The following ARHGAP11A variants were observed in gnomAD, a reference collection of about 807,000 sequenced individuals.
ARHGAP11A encodes the protein rho GTPase-activating protein 11A.
ARHGAP11A carries 36 observed loss-of-function variants against 60.5 expected under a neutral mutation model. The ratio of observed to expected loss-of-function variants is 0.59; its 90% CI spans 0.46 to 0.79. The LOEUF is 0.79. ARHGAP11A is among the 30% of genes least tolerant of loss of function. The probability of loss-of-function intolerance (pLI) is 0.00; values close to 1 mark genes in which losing one functional copy is unlikely to be tolerated. For synonymous variants in ARHGAP11A, 362 were observed against 415.5 expected, an observed-to-expected ratio of 0.87 and a Z score of 1.57; for missense variants, 1,071 against 1,199.2, an observed-to-expected ratio of 0.89 and a Z score of 1.58.
chr15:32,630,434 T>C (rs536801536), intron 8 of ARHGAP11A, among the ~76,000 whole-genome samples: 24 of 126,984 alleles, frequency 1.9e-4, no homozygotes, highest in African/African-American at 7.5e-4. Flanking sequence ...TTGGCTCTTT[T>C]AGCATATACA....
intron 10 of ARHGAP11A, among the ~76,000 whole-genome samples, chr15:32,634,296 C>T (rs1357132689): frequency 6.6e-6 from 1 of 152,194 alleles, no homozygotes; most frequent in Non-Finnish European, 1.5e-5. Context: ...GGTTGAGTAG[C>T]ACTTATCCAG....
At position 32,636,791 on chromosome 15, in the gene ARHGAP11A, A is replaced by C; in HGVS notation, c.2018A>C (p.Asp673Ala). 6.2e-7 allele frequency: 1 copy of C among 1,610,526 alleles called. No homozygotes were observed. The highest frequency in any genetic ancestry group is 8.5e-7 in the Non-Finnish European group (1 of 1,179,234). The change falls in exon 12 of 12, where the codon GAC (aspartate) becomes GCC (alanine). Residue 673 changes from aspartate (D) to alanine (A), a missense_variant. Physicochemically the swap from Asp to Ala is moderately radical, Grantham distance 126. Around this residue, in one of 4 missense-constraint regions of ARHGAP11A, gnomAD observed 776 missense variants for 760.2 expected, o/e 1.02. Transcript: ENST00000361627. ...GGTGAAAAATGTTTTTCAGAGAGGG[A>C]CTTTTCACCCCTTCAAACTCAAACA... is the stretch of plus-strand genomic sequence containing the variant. ...GKGEKCFSER[D>A]FSPLQTQTFN...
At chr15:32,628,919 A>G in intron 7 of ARHGAP11A, 117 bp downstream of exon 7, 2 of 737,018 alleles carry the variant, frequency 2.7e-6, no homozygotes, top group Non-Finnish European at 4.1e-6. Context: ...CAAATCAAAT[A>G]TTATTTTTAA....
rs1225753427 is a variant in ARHGAP11A at position 32,638,924 on chromosome 15, T to A, written c.*1079T>A. The A allele has an allele frequency of 6.6e-6, 1 of 152,646 alleles. No homozygotes were observed. The highest frequency in any genetic ancestry group is 1.5e-5 in the Non-Finnish European group (1 of 68,042). The allele number at this position is 152,646 out of a possible 1,614,324, so 9.5% of individuals were successfully genotyped here. On this transcript the variant is annotated 3_prime_UTR_variant, in exon 12 of 12. Transcript: ENST00000361627. Reference sequence around the variant, plus strand: ...TATATGTAGATGCTCGATTTTGGAATTTGAAATAGTAGATGCACCTCTTTA... The same window carrying A: ...TATATGTAGATGCTCGATTTTGGAAATTGAAATAGTAGATGCACCTCTTTA...
chr15:32,628,854 A>G (rs753566581), intron 7 of ARHGAP11A, 52 bp downstream of exon 7: 12 of 1,235,078 alleles, frequency 9.7e-6, no homozygotes, highest in Non-Finnish European at 7.7e-6. Flanking sequence ...ATAGTATTCT[A>G]TAAAATACAA....
chr15:32,637,123 A>C lies in ARHGAP11A; in HGVS notation c.2350A>C (p.Lys784Gln), dbSNP rs1362483071. The change falls in exon 12 of 12, where the codon AAA (lysine) becomes CAA (glutamine). Residue 784 changes from lysine (K) to glutamine (Q), a missense_variant. Physicochemically the swap from Lys to Gln is moderately conservative, Grantham distance 53 (BLOSUM62 1). This residue lies in a region of ARHGAP11A where 776 missense variants were observed against 760.2 expected (regional missense o/e 1.02). Coordinates refer to ENST00000361627, the MANE Select transcript of ARHGAP11A (RefSeq NM_014783.6). ...AAAACCTAGGCCTATGAGAATTGCT[A>C]AACAGCAGTCATTGGAAACATGTGA... Reference protein sequence around the residue: ...LSKPRPMRIAKQQSLETCEKT... With the variant: ...LSKPRPMRIAQQQSLETCEKT... 1 of 1,613,976 alleles carries C rather than the reference A, an allele frequency of 6.2e-7. No homozygotes were observed. The highest frequency in any genetic ancestry group is 1.3e-5 in the African/African-American group (1 of 74,948).
rs573440320 is a variant in ARHGAP11A at position 32,623,085 on chromosome 15, G to T, written c.201-407G>T. Among the ~76,000 whole-genome samples, 8 of 151,236 alleles carry T rather than the reference G, an allele frequency of 5.3e-5. No individual in the cohort carries two copies. In the South Asian group the frequency reaches 1.7e-3, roughly 32 times the overall value. The stretch of plus-strand genomic sequence containing the variant: ...ATACGAGGACAACACACTGACCATG[G>T]ATTTGGCAAGGCAGAGGCTGTTAGT... On this transcript the variant is annotated intron_variant, in intron 2 of 11. Transcript: ENST00000361627.
chr15:32,633,126 T>A lies in ARHGAP11A; in HGVS notation c.1235+18T>A, dbSNP rs1567057929. 1 of 1,613,086 alleles carries A rather than the reference T, an allele frequency of 6.2e-7. No individual in the cohort carries two copies. The highest frequency in any genetic ancestry group is 2.2e-5 in the East Asian group (1 of 44,854). On this transcript the variant is annotated intron_variant, in intron 9 of 11. Coordinates refer to ENST00000361627, the MANE Select transcript of ARHGAP11A (RefSeq NM_014783.6). Reference sequence around the variant, plus strand: ...GTTTGCAGGTACTTTATCCAGGACATTTTGTTTTCATCGGATAAATATTTG... The same window carrying A: ...GTTTGCAGGTACTTTATCCAGGACAATTTGTTTTCATCGGATAAATATTTG...
At chr15:32,621,956 A>G (rs1189035223) in intron 2 of ARHGAP11A, among the ~76,000 whole-genome samples, 1 of 152,312 alleles carries the variant, frequency 6.6e-6, no homozygotes, top group African/African-American at 2.4e-5. Flanking sequence ...CTAGGTTTTA[A>G]TTGACATGTC....
chr15:32,635,896 T>C lies in ARHGAP11A; in HGVS notation c.1464T>C (p.Asp488=). The C allele has an allele frequency of 6.2e-7, 1 of 1,609,422 alleles. No homozygotes were observed. The highest frequency in any genetic ancestry group is 8.5e-7 in the Non-Finnish European group (1 of 1,178,644). The part of the protein sequence containing the change: ...KTGLLFSPDV[D]EKLPKKGSEK... ...GTTTGCTTTTTAGCCCAGATGTTGA[T>C]GAAAAGTTACCAAAGAAAGGTACAT... Residue 488 remains aspartate (D), a synonymous_variant, in exon 11 of 12, where the codon GAT becomes GAC. Coordinates refer to ENST00000361627, the MANE Select transcript of ARHGAP11A (RefSeq NM_014783.6).
chr15:32,616,591 A>G (rs538408497), intron 1 of ARHGAP11A, among the ~76,000 whole-genome samples: 16 of 152,278 alleles, frequency 1.1e-4, no homozygotes, highest in African/African-American at 3.6e-4. Context: ...TTTGGATTAG[A>G]TAATTTTTGT....
In ARHGAP11A at chr15:32,617,848, C is replaced by T. The variant is rs564530577; in HGVS notation, c.129+1508C>T. The stretch of plus-strand genomic sequence containing the variant: ...CCTGAGTTTGAGTGCTGTTCCACCC[C>T]TACTACATCTGTAAACTTGGGCTGC... On this transcript the variant is annotated intron_variant, in intron 1 of 11. Transcript: ENST00000361627. Among the ~76,000 whole-genome samples, 21 of 152,304 alleles carry T rather than the reference C, an allele frequency of 1.4e-4. No homozygotes were observed. The East Asian group carries it at 1.5e-3, about 11-fold the overall frequency.
chr15:32,637,041 G>A lies in ARHGAP11A; in HGVS notation c.2268G>A (p.Lys756=), dbSNP rs773689327. ...GNLPKCAAHS[K]DEARSSFSQQ... ...TACCGAAGTGTGCAGCACATAGCAA[G>A]GACGAGGCTAGATCCTCTTTCTCAC... The change falls in exon 12 of 12, where the codon AAG becomes AAA. Residue 756 remains lysine, a synonymous_variant. Transcript: ENST00000361627. 8 of 1,613,818 alleles carry A rather than the reference G, an allele frequency of 5.0e-6. No individual in the cohort carries two copies. The South Asian group carries it at 7.7e-5, about 16-fold the overall frequency.
chr15:32,628,199 C>T (rs753567596), intron 6 of ARHGAP11A, among the ~76,000 whole-genome samples: 13 of 152,210 alleles, frequency 8.5e-5, no homozygotes, highest in Non-Finnish European at 1.9e-4. Flanking sequence ...ATATTTATAG[C>T]TTGGCATTAA....
chr15:32,620,846 G>A (rs567973562), intron 2 of ARHGAP11A, among the ~76,000 whole-genome samples: 27 of 152,046 alleles, frequency 1.8e-4, no homozygotes, highest in Non-Finnish European at 2.6e-4. Context: ...CAGGAGGATC[G>A]CTTGAGCCCA....
chr15:32,629,743 C>T lies in ARHGAP11A; in HGVS notation c.1086C>T (p.Ser362=), dbSNP rs768136697. ...TGTTGCCAAGTAATCTCTTCAATAG[C>T]AGTTCTACACCGGTATCAGGTAGCA... is the stretch of plus-strand genomic sequence containing the variant. ...FELLPSNLFN[S]SSTPVSVHID... The change falls in exon 8 of 12, where the codon AGC becomes AGT. Residue 362 remains serine (S), a synonymous_variant. Transcript: ENST00000361627. 1.2e-6 allele frequency: 2 copies of T among 1,609,196 alleles called. No homozygotes were observed. Among genetic ancestry groups the T allele is most frequent in the South Asian group, 2.2e-5 (2 of 89,928 alleles).
chr15:32,624,558 G>T (rs2053413876), intron 4 of ARHGAP11A, 132 bp downstream of exon 4: 4 of 1,440,584 alleles, frequency 2.8e-6, no homozygotes, highest in South Asian at 2.9e-5. Flanking sequence ...TTACTATGAG[G>T]AGTATACTCC....
At position 32,639,646 on chromosome 15, in the gene ARHGAP11A, C is replaced by T. The variant is rs1445003815; in HGVS notation, c.*1801C>T. ...TCTGAGAGATGAATCAATAATGAAACATGTCTGTTTTAAAAACTACCACAT... is the reference window on the plus strand; with the variant it reads ...TCTGAGAGATGAATCAATAATGAAATATGTCTGTTTTAAAAACTACCACAT... On this transcript the variant is annotated 3_prime_UTR_variant, in exon 12 of 12. Transcript: ENST00000361627. The T allele has an allele frequency of 6.6e-6, 1 of 152,130 alleles. No individual in the cohort carries two copies. Among genetic ancestry groups the T allele is most frequent in the East Asian group, 1.9e-4 (1 of 5,192 alleles). The allele number at this position is 152,130 out of a possible 1,614,324, so 9.4% of individuals were successfully genotyped here.
rs149496630 is a variant in ARHGAP11A, at chr15:32,633,105, G to T, written c.1232G>T (p.Cys411Phe). 2 of 1,613,776 alleles carry T rather than the reference G, an allele frequency of 1.2e-6. No individual in the cohort carries two copies. Among genetic ancestry groups the T allele is most frequent in the Non-Finnish European group, 1.7e-6 (2 of 1,179,922 alleles). Residue 411 changes from cysteine to phenylalanine, a missense_variant, in exon 9 of 12, where the codon TGC becomes TTC. Cys to Phe is a radical substitution (Grantham distance 205, BLOSUM62 -2). Coordinates refer to ENST00000361627, the MANE Select transcript of ARHGAP11A (RefSeq NM_014783.6). Reference sequence around the variant, plus strand: ...AAAAGAATTGCAGGCAAAAAAGTTTGCAGGTACTTTATCCAGGACATTTTG... The same window carrying T: ...AAAAGAATTGCAGGCAAAAAAGTTTTCAGGTACTTTATCCAGGACATTTTG... ...RSKRIAGKKV[C>F]RVESGKAGCF...
Sources: allele counts gnomAD v4.1 joint callset (sites outside exome capture counted in the v4.1 genomes callset), GRCh38; gene constraint gnomAD v4.1.1; regional missense constraint gnomAD v4.1.1; transcripts MANE v1.5; gene names NCBI Gene and HGNC (gene_info 2026-07-23, HGNC 2026-07-21).